Variants in KCNH2 observed in about 807,000 individuals in gnomAD.
KCNH2 encodes potassium voltage-gated channel subfamily H member 2, also known as voltage-gated inwardly rectifying potassium channel KCNH2.
Under a neutral mutation model 95.9 loss-of-function variants are expected in KCNH2, and 35 were observed. The ratio of observed to expected loss-of-function variants is 0.37; its 90% confidence interval spans 0.28 to 0.48. The LOEUF (loss-of-function observed/expected upper bound fraction) is 0.48. Among genes scored for constraint, KCNH2 ranks in the 20% least tolerant of loss-of-function variants. The probability of loss-of-function intolerance (pLI) is 0.99; values close to 1 mark genes in which losing one functional copy is unlikely to be tolerated. For synonymous variants in KCNH2, 786 were observed against 754.7 expected (o/e 1.04, Z -0.68); for missense variants, 1,274 against 1,702.9 (o/e 0.75, Z 4.43).
chr7:150,945,235 G>A lies in KCNH2; in HGVS notation c.*130C>T, dbSNP rs988881943. 5.6e-5 allele frequency: 59 copies of A among 1,046,224 alleles called. No individual in the cohort carries two copies. The highest frequency in any genetic ancestry group is 5.3e-4 in the South Asian group (32 of 60,610). The allele number at this position is 1,046,224 out of a possible 1,614,324, so 64.8% of individuals were successfully genotyped here. ...AGGAGAAGATGGTCCCAAGGGCTGGGGGAGGAGCTGTGCTTTCGAGTTCCT... is the reference window on the plus strand; with the variant it reads ...AGGAGAAGATGGTCCCAAGGGCTGGAGGAGGAGCTGTGCTTTCGAGTTCCT... On this transcript the variant is annotated 3_prime_UTR_variant, in exon 15 of 15. Transcript: ENST00000262186. The surrounding 1 kb of genome is among the most constrained non-coding windows in gnomAD (Gnocchi z 5.6).
At chr7:150,968,282 C>T (rs1801755704) in intron 2 of KCNH2, among the ~76,000 whole-genome samples, 1 of 152,200 alleles carries the variant, frequency 6.6e-6, no homozygotes, top group Admixed American at 6.5e-5. Flanking sequence ...TCACCCAAGT[C>T]CAGAAGGGAC....
rs1405313438 is a variant in KCNH2, at chr7:150,952,461, G to C, written c.1521C>G (p.Pro507=). The C allele has an allele frequency of 1.2e-6, 2 of 1,614,196 alleles. No individual in the cohort carries two copies. The highest frequency in any genetic ancestry group is 4.5e-5 in the East Asian group (2 of 44,880). Reference sequence around the variant, plus strand: ...CAGAGCCGAAGATGAGCAGGTCGAAGGGGATGGCGGCCACCATGTCGATGA... The same window carrying C: ...CAGAGCCGAAGATGAGCAGGTCGAACGGGATGGCGGCCACCATGTCGATGA... The part of the protein sequence containing the change: ...WFLIDMVAAI[P]FDLLIFGSGS... Residue 507 remains proline (P), a synonymous_variant, in exon 6 of 15, where the codon CCC becomes CCG. Transcript: ENST00000262186. This position sits in a 1 kb window ranked among gnomAD's most constrained non-coding sequence, Gnocchi z 7.3.
Position 150,946,913 on chromosome 7 carries a change from G to A in KCNH2, c.3294C>T (p.Ser1098=), listed in dbSNP as rs1203403811. ...AGTCCAAGGTGAGGGTGGGGAGGGG[G>A]CTGACGGGCAACAGCGGGGATGTGG... is the stretch of plus-strand genomic sequence containing the variant. ...PTSTSPLLPV[S]PLPTLTLDSL... The change falls in exon 14 of 15, where the codon AGC becomes AGT. Residue 1098 remains serine (S), a synonymous_variant. Transcript: ENST00000262186. The surrounding 1 kb of genome is among the most constrained non-coding windows in gnomAD (Gnocchi z 6.5). 1 of 1,598,576 alleles carries A rather than the reference G, an allele frequency of 6.3e-7. No homozygotes were observed. The highest frequency in any genetic ancestry group is 8.5e-7 in the Non-Finnish European group (1 of 1,169,838).
chr7:150,948,623 A>C, intron 10 of KCNH2, 80 bp from the exon 11 acceptor site: 1 of 1,346,752 alleles, frequency 7.4e-7, no homozygotes, highest in South Asian at 1.2e-5. Flanking sequence ...CCTCCTTAAC[A>C]CAGAAAAAGT....
Position 150,949,928 on chromosome 7 carries a change from T to A in KCNH2, c.2398+240A>T, listed in dbSNP as rs747154483. On this transcript the variant is annotated intron_variant, in intron 9 of 14. Transcript: ENST00000262186. ...TTTAAGGAAGCAAAAAGTGTCTGTT[T>A]GTGGCGGATCCTGAAGGGAAGGAGA... 2.0e-6 allele frequency: 3 copies of A among 1,519,156 alleles called. No individual in the cohort carries two copies. In the South Asian group the frequency reaches 3.6e-5, roughly 18 times the overall value. The allele number at this position is 1,519,156 out of a possible 1,614,324, so 94.1% of individuals were successfully genotyped here.
intron 2 of KCNH2, 78 bp downstream of exon 2, chr7:150,974,632 CA>C: frequency 3.8e-6 from 4 of 1,058,004 alleles, no homozygotes; most frequent in South Asian, 1.4e-5. Context: ...CCCACACCCC[CA>C]CGCACCCTGC....
Position 150,945,383 on chromosome 7 carries a change from G to T in KCNH2, c.3462C>A (p.Gly1154=). The stretch of plus-strand genomic sequence containing the variant: ...AGCCCCACTAACTGCCCGGGTCCGA[G>T]CCGTGTCTGTGCAGGGGCTGGGAGG... ...ALTSQPLHRH[G]SDPGS The change falls in exon 15 of 15, where the codon GGC becomes GGA. Residue 1154 remains glycine, a synonymous_variant. Coordinates refer to ENST00000262186, the MANE Select transcript of KCNH2 (RefSeq NM_000238.4). This position sits in a 1 kb window ranked among gnomAD's most constrained non-coding sequence, Gnocchi z 5.6. 6.3e-7 allele frequency: 1 copy of T among 1,591,264 alleles called. No homozygotes were observed. The highest frequency in any genetic ancestry group is 2.3e-5 in the East Asian group (1 of 43,776).
At chr7:150,973,333 C>T (rs370174727) in intron 2 of KCNH2, among the ~76,000 whole-genome samples, 1 of 152,158 alleles carries the variant, frequency 6.6e-6, no homozygotes, top group Non-Finnish European at 1.5e-5. Flanking sequence ...ATGTGGGCTC[C>T]GTTCCCAACT....
At chr7:150,977,742 G>A (rs1282328358) in intron 1 of KCNH2, 96 bp downstream of exon 1, 1 of 1,057,228 alleles carries the variant, frequency 9.5e-7, no homozygotes. Flanking sequence ...CGCACTTGCC[G>A]ACGCACACGG....
chr7:150,949,968 G>C, intron 9 of KCNH2, 200 bp downstream of exon 9: 1 of 1,546,302 alleles, frequency 6.5e-7, no homozygotes, highest in South Asian at 1.2e-5. Context: ...GGGAACCCCA[G>C]AGTTCAGCAG....
intron 2 of KCNH2, among the ~76,000 whole-genome samples, chr7:150,967,539 G>A (rs1033198577): frequency 6.6e-6 from 1 of 152,154 alleles, no homozygotes; most frequent in Non-Finnish European, 1.5e-5. Context: ...ACAATTCAGC[G>A]GAAAAGAACA....
Position 150,948,429 on chromosome 7 carries a change from C to CAG in KCNH2, c.2692+14_2692+15insCT. The CAG allele has an allele frequency of 1.3e-6, 2 of 1,530,116 alleles. No individual in the cohort carries two copies. The highest frequency in any genetic ancestry group is 1.3e-5 in the African/African-American group (1 of 74,344). 94.8% of individuals were successfully genotyped at this position (1,530,116 alleles called of 1,614,324 possible). ...TTGTCCCCGCCCTCCCCCTTCCTCC[C>CAG]CTCCCCCGCCTCACCCTTGTCCGTG... On this transcript the variant is annotated intron_variant, in intron 11 of 14. Transcript: ENST00000262186.
Position 150,961,024 on chromosome 7 carries a change from C to T in KCNH2, c.308-1288G>A, listed in dbSNP as rs1484952898. Among the ~76,000 whole-genome samples, 1 of 152,204 alleles carries T rather than the reference C, an allele frequency of 6.6e-6. No homozygotes were observed. The highest frequency in any genetic ancestry group is 1.5e-5 in the Non-Finnish European group (1 of 68,012). ...CCGCTCCAGCTCCTCTATGGCCCCC[C>T]AGGGACCCACCAGGCAGGCTCCTCA... On this transcript the variant is annotated intron_variant, in intron 2 of 14. Coordinates refer to ENST00000262186, the MANE Select transcript of KCNH2 (RefSeq NM_000238.4). This position sits in a 1 kb window ranked among gnomAD's most constrained non-coding sequence, Gnocchi z 6.2.
chr7:150,974,693 GC>G lies in KCNH2; in HGVS notation c.307+17del. ...TGACCCCGCCCCTGGTCGTGGCCCC[GC>G]CCCGGCCCGCTCCTACCATCTTTCC... On this transcript the variant is annotated intron_variant, in intron 2 of 14. Coordinates refer to ENST00000262186, the MANE Select transcript of KCNH2 (RefSeq NM_000238.4). 1 of 1,091,740 alleles carries G rather than the reference GC, an allele frequency of 9.2e-7. No individual in the cohort carries two copies. Among genetic ancestry groups the G allele is most frequent in the Non-Finnish European group, 1.2e-6 (1 of 849,176 alleles). 67.6% of individuals were successfully genotyped at this position (1,091,740 alleles called of 1,614,324 possible). A position where few individuals can be genotyped will look rare whatever the true frequency, so the allele number is the denominator to read the frequency against.
Position 150,957,453 on chromosome 7 carries a change from G to A in KCNH2, c.966C>T (p.Ser322=), listed in dbSNP as rs200290864. The change falls in exon 5 of 15, where the codon TCC becomes TCT. Residue 322 remains serine (S), a synonymous_variant. Coordinates refer to ENST00000262186, the MANE Select transcript of KCNH2 (RefSeq NM_000238.4). ...RSGLLNSTSD[S]DLVRYRTISK... ...TAATGGTGCGGTAGCGCACGAGGTC[G>A]GAGTCCGAGGTGGAGTTGAGCAAGC... The A allele has an allele frequency of 2.7e-5, 44 of 1,614,040 alleles. No homozygotes were observed. Among genetic ancestry groups the A allele is most frequent in the Middle Eastern group, 1.7e-4 (1 of 6,042 alleles).
In KCNH2 at chr7:150,977,893, G is replaced by C; in HGVS notation, c.21C>G (p.His7Gln). 1 of 1,597,026 alleles carries C rather than the reference G, an allele frequency of 6.3e-7. No individual in the cohort carries two copies. Among genetic ancestry groups the C allele is most frequent in the South Asian group, 1.1e-5 (1 of 90,308 alleles). The change falls in exon 1 of 15, where the codon CAC becomes CAG. Residue 7 changes from histidine to glutamine, a missense_variant. Around this residue, in one of 7 missense-constraint regions of KCNH2, gnomAD observed 29 missense variants for 25.2 expected, o/e 1.15. Coordinates refer to ENST00000262186, the MANE Select transcript of KCNH2 (RefSeq NM_000238.4). ...CCAGGAAGGTGTTCTGCGGCGCGAC[G>C]TGGCCCCTCCGCACCGGCATCCTGA... MPVRRG[H>Q]VAPQNTFLDT...
chr7:150,947,306 C>A (rs3815459), intron 13 of KCNH2, 22 bp downstream of exon 13: 8 of 1,530,964 alleles, frequency 5.2e-6, no homozygotes, highest in Non-Finnish European at 6.1e-6. Context: ...CGTGCCCCCC[C>A]ACCCCACCTG....
intron 2 of KCNH2, among the ~76,000 whole-genome samples, chr7:150,964,336 C>G (rs539886230): frequency 1.3e-5 from 2 of 152,222 alleles, no homozygotes; most frequent in African/African-American, 4.8e-5. Flanking sequence ...CAACAAGACA[C>G]GCCTGGCACC....
At chr7:150,950,747 G>A (rs1271025775) in intron 8 of KCNH2, among the ~76,000 whole-genome samples, 174 bp downstream of exon 8, 1 of 152,210 alleles carries the variant, frequency 6.6e-6, no homozygotes, top group African/African-American at 2.4e-5. Flanking sequence ...AGCTCTCCAG[G>A]GAAGGGGTTC....
Sources: allele counts gnomAD v4.1 joint callset (sites outside exome capture counted in the v4.1 genomes callset), GRCh38; gene constraint gnomAD v4.1.1; regional missense constraint gnomAD v4.1.1; non-coding constraint Gnocchi (gnomAD v3.1); transcripts MANE v1.5; gene names NCBI Gene and HGNC (gene_info 2026-07-23, HGNC 2026-07-21).